The following THRB variants were observed in gnomAD, a reference collection of about 807,000 sequenced individuals.
The protein encoded by THRB is thyroid hormone receptor beta, also known as nuclear receptor subfamily 1 group A member 2.
Under a neutral mutation model 47.8 loss-of-function variants are expected in THRB, and 12 were observed. That is an observed-to-expected ratio of 0.25 (90% CI 0.16 to 0.41). The LOEUF is 0.41. THRB is among the 10% of genes least tolerant of loss of function. THRB has a pLI of 1.00. For synonymous variants in THRB, 218 were observed against 212.2 expected (o/e 1.03, Z -0.24); for missense variants, 348 against 589.2 (o/e 0.59, Z 4.24).
At chr3:24,270,957 C>G (rs1469794458) in intron 3 of THRB, among the ~76,000 whole-genome samples, 1 of 152,188 alleles carries the variant, frequency 6.6e-6, no homozygotes, top group Non-Finnish European at 1.5e-5. Flanking sequence ...GTGTGAAAGG[C>G]TCCCCCCCTT....
At chr3:24,143,804 A>G (rs2035755140) in intron 7 of THRB, 98 bp from the exon 8 acceptor site, 2 of 1,283,894 alleles carry the variant, frequency 1.6e-6, no homozygotes, top group Non-Finnish European at 2.2e-6. Flanking sequence ...CCACTGATGC[A>G]CAGATGGCTT....
intron 3 of THRB, among the ~76,000 whole-genome samples, chr3:24,241,517 C>A (rs2049504984): frequency 1.3e-5 from 2 of 152,136 alleles, no homozygotes; most frequent in Admixed American, 1.3e-4. Context: ...GAAATCTATT[C>A]TTGTGCCTCT....
chr3:24,152,047 C>T (rs1347065387), intron 6 of THRB, among the ~76,000 whole-genome samples: 8 of 152,126 alleles, frequency 5.3e-5, no homozygotes, highest in Non-Finnish European at 1.0e-4. Flanking sequence ...AGTCATTTCT[C>T]GGGATGACAA....
intron 1 of THRB, among the ~76,000 whole-genome samples, chr3:24,359,488 G>C (rs2063922008): frequency 6.6e-6 from 1 of 152,124 alleles, no homozygotes; most frequent in Admixed American, 6.6e-5. Context: ...GAAGTCACAA[G>C]CCTGCCCAAA....
At chr3:24,354,067 C>G (rs1039005386) in intron 1 of THRB, among the ~76,000 whole-genome samples, 1 of 152,100 alleles carries the variant, frequency 6.6e-6, no homozygotes, top group Non-Finnish European at 1.5e-5. Context: ...TAGGTTGGTT[C>G]CATGTCTTTG....
rs542529180 is a variant in THRB, at chr3:24,348,293, A to T, written c.-260-10922T>A. On this transcript the variant is annotated intron_variant, in intron 1 of 10. Coordinates refer to ENST00000646209, the MANE Select transcript of THRB (RefSeq NM_001354712.2). The stretch of plus-strand genomic sequence containing the variant: ...ACACTCAGCAAACTAGGTGTATGGC[A>T]AATTTTGAAAATGCCTGAACAGCCC... Among the ~76,000 whole-genome samples, 6 of 152,228 alleles carry T rather than the reference A, an allele frequency of 3.9e-5. No homozygotes were observed. In the South Asian group the frequency reaches 8.3e-4, roughly 21 times the overall value.
At chr3:24,203,409 T>C (rs1559588095) in intron 4 of THRB, among the ~76,000 whole-genome samples, 1 of 151,990 alleles carries the variant, frequency 6.6e-6, no homozygotes, top group Non-Finnish European at 1.5e-5. Flanking sequence ...TCTCAAAATT[T>C]TAAAAAAGCA....
chr3:24,430,805 G>A (rs1299066987), intron 1 of THRB: 3 of 152,094 alleles, frequency 2.0e-5, no homozygotes, highest in Non-Finnish European at 2.9e-5. Flanking sequence ...TAACAAGGTG[G>A]TGACCCAAGA....
At chr3:24,228,868 A>C in intron 4 of THRB, 70 bp downstream of exon 4, 1 of 1,402,568 alleles carries the variant, frequency 7.1e-7, no homozygotes, top group Non-Finnish European at 9.9e-7. Context: ...AATCTTTAAG[A>C]ATCTATAATT....
chr3:24,452,626 C>T (rs1047819624), intron 1 of THRB, among the ~76,000 whole-genome samples: 6 of 151,968 alleles, frequency 3.9e-5, no homozygotes, highest in African/African-American at 9.7e-5. Context: ...ACCCAGGAAC[C>T]GGCGCTATAA....
At chr3:24,480,279 A>C (rs1696170143) in intron 1 of THRB, among the ~76,000 whole-genome samples, 1 of 152,216 alleles carries the variant, frequency 6.6e-6, no homozygotes, top group Admixed American at 6.5e-5. Context: ...CTCTGATGTA[A>C]GAGCTCTCTG....
chr3:24,213,528 G>C (rs1293473641), intron 4 of THRB, among the ~76,000 whole-genome samples: 2 of 152,162 alleles, frequency 1.3e-5, no homozygotes, highest in African/African-American at 4.8e-5. Context: ...AGAGGGTAGA[G>C]AAGAACCACA....
At chr3:24,157,429 C>A (rs147149368) in intron 5 of THRB, among the ~76,000 whole-genome samples, 2 of 151,996 alleles carry the variant, frequency 1.3e-5, no homozygotes, top group South Asian at 2.1e-4. Context: ...GGATTCTCAT[C>A]GGAGGCTTTA....
At chr3:24,426,022 T>C (rs1404209601) in intron 1 of THRB, among the ~76,000 whole-genome samples, 1 of 151,916 alleles carries the variant, frequency 6.6e-6, no homozygotes, top group African/African-American at 2.4e-5. Context: ...CTTACTTTCT[T>C]TACCTGTATA....
intron 1 of THRB, among the ~76,000 whole-genome samples, chr3:24,410,507 T>G (rs1022350653): frequency 6.6e-6 from 1 of 151,852 alleles, no homozygotes; most frequent in Non-Finnish European, 1.5e-5. Flanking sequence ...CAGGGATCCC[T>G]GTAAATACCC....
At chr3:24,314,032 G>C (rs1367895163) in intron 2 of THRB, among the ~76,000 whole-genome samples, 1 of 152,202 alleles carries the variant, frequency 6.6e-6, no homozygotes. Flanking sequence ...TGACCTTTGA[G>C]AAGTACTAAG....
chr3:24,317,438 C>T (rs567457862), intron 2 of THRB, among the ~76,000 whole-genome samples: 1 of 152,292 alleles, frequency 6.6e-6, no homozygotes, highest in South Asian at 2.1e-4. Flanking sequence ...TCAGGACTCG[C>T]TTGATTTCAA....
chr3:24,333,701 G>A (rs1421629803), intron 2 of THRB, among the ~76,000 whole-genome samples: 1 of 152,212 alleles, frequency 6.6e-6, no homozygotes, highest in Admixed American at 6.5e-5. Flanking sequence ...TTTCACGTAT[G>A]ATTCAGTTTT....
At chr3:24,142,773 C>A (rs1014102473) in intron 8 of THRB, among the ~76,000 whole-genome samples, 2 of 152,152 alleles carry the variant, frequency 1.3e-5, no homozygotes, top group African/African-American at 4.8e-5. Context: ...GCAGTGCGAT[C>A]CTGGGCAAGC....
Sources: allele counts gnomAD v4.1 joint callset (sites outside exome capture counted in the v4.1 genomes callset), GRCh38; gene constraint gnomAD v4.1.1; transcripts MANE v1.5; gene names NCBI Gene and HGNC (gene_info 2026-07-23, HGNC 2026-07-21).